GMCL1: variants seen among roughly 807,000 people sequenced by gnomAD.
GMCL1 encodes the protein germ cell-less 1, spermatogenesis associated.
A neutral mutation model predicts 75.5 loss-of-function variants in GMCL1; 54 were observed. The ratio of observed to expected loss-of-function variants is 0.71; its 90% confidence interval spans 0.57 to 0.90. GMCL1 has a LOEUF of 0.90. Ranked by LOEUF, GMCL1 falls within the 40% of genes least tolerant of loss-of-function variation. GMCL1 has a pLI of 0.00. For missense variants in GMCL1, 537 were observed against 622.7 expected (o/e 0.86, Z 1.47); for synonymous variants, 210 against 209.6 (o/e 1.00, Z -0.02).
chr2:69,877,771 ATCT>A lies in GMCL1; in HGVS notation c.1453-1133_1453-1131del, dbSNP rs142908322. Among the ~76,000 whole-genome samples, 392 of 151,946 alleles carry A rather than the reference ATCT, an allele frequency of 2.6e-3. 2 individuals carry two copies. The highest frequency in any genetic ancestry group is 9.1e-3 in the African/African-American group (376 of 41,424). On this transcript the variant is annotated intron_variant, in intron 13 of 13. Transcript: ENST00000282570. ...CTCTCTACCTTCTTTATTCAAATTT[ATCT>A]TCTTGTTCCCTCAACACAGAAGCTG...
chr2:69,878,678 G>A (rs529702001), intron 13 of GMCL1, among the ~76,000 whole-genome samples: 7 of 152,228 alleles, frequency 4.6e-5, no homozygotes, highest in Non-Finnish European at 1.0e-4. Flanking sequence ...AAAACCCCCT[G>A]TGTATTATCT....
intron 8 of GMCL1, among the ~76,000 whole-genome samples, chr2:69,854,327 TC>T (rs1675408530): frequency 6.6e-6 from 1 of 152,152 alleles, no homozygotes; most frequent in African/African-American, 2.4e-5. Context: ...ACAGTGTCTT[TC>T]TTATTTTGTA....
chr2:69,835,483 G>C (rs561068192), intron 1 of GMCL1, among the ~76,000 whole-genome samples: 2 of 151,406 alleles, frequency 1.3e-5, no homozygotes, highest in Non-Finnish European at 2.9e-5. Context: ...ATCCTTCCTT[G>C]CTTGTCCACT....
chr2:69,873,540 G>A (rs1482122801), intron 13 of GMCL1: 1 of 151,524 alleles, frequency 6.6e-6, no homozygotes, highest in Non-Finnish European at 1.5e-5. Context: ...TATATATTTA[G>A]AATTTGCCAG....
chr2:69,829,678 G>T lies in GMCL1; in HGVS notation c.-215G>T. 1 of 534,096 alleles carries T rather than the reference G, an allele frequency of 1.9e-6. No homozygotes were observed. The highest frequency in any genetic ancestry group is 3.2e-6 in the Non-Finnish European group (1 of 311,080). The allele number at this position is 534,096 out of a possible 1,614,324, so 33.1% of individuals were successfully genotyped here. On this transcript the variant is annotated 5_prime_UTR_variant, in exon 1 of 14. The change creates a new upstream start codon in the 5' untranslated region. Coordinates refer to ENST00000282570, the MANE Select transcript of GMCL1 (RefSeq NM_178439.5). ...GTCCCGCGCTTTGTTGCGAAAGCGA[G>T]GGGGCGAGGTGCTGCGGTGCTAGAG...
intron 13 of GMCL1, among the ~76,000 whole-genome samples, chr2:69,875,917 C>T (rs1457252300): frequency 6.6e-6 from 1 of 152,126 alleles, no homozygotes; most frequent in Non-Finnish European, 1.5e-5. Flanking sequence ...GTCTCGATCT[C>T]CTGACCTCGT....
chr2:69,877,963 G>A lies in GMCL1; in HGVS notation c.1453-946G>A, dbSNP rs141307570. Among the ~76,000 whole-genome samples, 687 of 152,270 alleles carry A rather than the reference G, an allele frequency of 4.5e-3. 6 individuals carry two copies. The highest frequency in any genetic ancestry group is 0.014 in the African/African-American group (591 of 41,570). ...TAACTAATGCATACTATTGCAGAGA[G>A]CATATCCCAGGCATTTAAAACGTAG... On this transcript the variant is annotated intron_variant, in intron 13 of 13. Transcript: ENST00000282570.
chr2:69,849,309 C>A (rs1379504666), intron 7 of GMCL1, among the ~76,000 whole-genome samples: 1 of 152,058 alleles, frequency 6.6e-6, no homozygotes, highest in Non-Finnish European at 1.5e-5. Context: ...AGCTGGGACT[C>A]CAGATGCATA....
chr2:69,875,054 A>G (rs1017707073), intron 13 of GMCL1, among the ~76,000 whole-genome samples: 1 of 151,958 alleles, frequency 6.6e-6, no homozygotes, highest in Non-Finnish European at 1.5e-5. Flanking sequence ...CAGTTTTTAC[A>G]TTTTTGTCAT....
At chr2:69,875,657 C>T (rs1190063374) in intron 13 of GMCL1, among the ~76,000 whole-genome samples, 1 of 151,750 alleles carries the variant, frequency 6.6e-6, no homozygotes, top group Non-Finnish European at 1.5e-5. Flanking sequence ...CCATATTGTT[C>T]CTGTGTATTT....
At chr2:69,867,321 C>G (rs1175307202) in intron 11 of GMCL1, among the ~76,000 whole-genome samples, 1 of 152,070 alleles carries the variant, frequency 6.6e-6, no homozygotes, top group East Asian at 1.9e-4. Flanking sequence ...GACCTTCCTT[C>G]CCCCATGCTC....
rs1355658945 is a variant in GMCL1, at chr2:69,849,824, A to C, written c.934+82A>C. Reference sequence around the variant, plus strand: ...CCCCATGAGAACAGAAAATAAATAAATTAATTAATTAAATGAAATCAGGCC... The same window carrying C: ...CCCCATGAGAACAGAAAATAAATAACTTAATTAATTAAATGAAATCAGGCC... On this transcript the variant is annotated intron_variant, in intron 8 of 13. Transcript: ENST00000282570. The C allele has an allele frequency of 1.7e-5, 12 of 705,212 alleles. No individual in the cohort carries two copies. In the East Asian group the frequency reaches 3.7e-4, roughly 22 times the overall value. The allele number at this position is 705,212 out of a possible 1,614,324, so 43.7% of individuals were successfully genotyped here.
At chr2:69,852,850 A>G (rs1274971058) in intron 8 of GMCL1, among the ~76,000 whole-genome samples, 2 of 152,086 alleles carry the variant, frequency 1.3e-5, no homozygotes, top group Non-Finnish European at 2.9e-5. Flanking sequence ...ATATTTTTGT[A>G]TATTTCTTTT....
chr2:69,861,548 A>T (rs1675647998), intron 10 of GMCL1, among the ~76,000 whole-genome samples: 1 of 152,216 alleles, frequency 6.6e-6, no homozygotes. Context: ...GTATAATGCA[A>T]TTATGGAAAT....
rs2104071153 is a variant in GMCL1, at chr2:69,876,109, A to G, written c.1453-2800A>G. On this transcript the variant is annotated intron_variant, in intron 13 of 13. Coordinates refer to ENST00000282570, the MANE Select transcript of GMCL1 (RefSeq NM_178439.5). ...TTGTAACTGTCCATCTTATAAGACC[A>G]TGCTAAATGGATTTTCACTATAGAA... 2.0e-5 allele frequency among the ~76,000 whole-genome samples: 3 copies of G among 152,210 alleles called. No individual in the cohort carries two copies. The East Asian group carries it at 5.8e-4, about 29-fold the overall frequency.
At chr2:69,838,883 T>G (rs1482296844) in intron 2 of GMCL1, among the ~76,000 whole-genome samples, 3 of 152,196 alleles carry the variant, frequency 2.0e-5, no homozygotes, top group Non-Finnish European at 2.9e-5. Flanking sequence ...CACAGTGCCT[T>G]CTACATACTA....
At chr2:69,861,147 C>G (rs1675631239) in intron 9 of GMCL1, 131 bp from the exon 10 acceptor site, 1 of 651,682 alleles carries the variant, frequency 1.5e-6, no homozygotes, top group African/African-American at 1.8e-5. Context: ...TTGGCCTAAG[C>G]TACCTAATTT....
chr2:69,847,515 G>A, intron 6 of GMCL1, 28 bp from the exon 7 acceptor site: 1 of 1,388,118 alleles, frequency 7.2e-7, no homozygotes, highest in Non-Finnish European at 1.0e-6. Context: ...CTAAAGATAA[G>A]CTCACTCCCT....
chr2:69,870,253 C>G (rs979417360), intron 12 of GMCL1, among the ~76,000 whole-genome samples: 1 of 151,652 alleles, frequency 6.6e-6, no homozygotes, highest in Non-Finnish European at 1.5e-5. Context: ...TGCTGGCAAT[C>G]TTTTTCTGAG....
Sources: gnomAD v4.1 joint callset for allele counts (sites outside exome capture counted in the v4.1 genomes callset) on GRCh38, gnomAD v4.1.1 for gene constraint, MANE v1.5 for transcripts, NCBI Gene and HGNC (gene_info 2026-07-23, HGNC 2026-07-21) for gene names.